Variants in TASP1 observed in about 807,000 individuals in gnomAD.
TASP1 encodes the protein threonine aspartase 1.
TASP1 carries 16 observed loss-of-function variants against 56.6 expected under a neutral mutation model. The ratio of observed to expected loss-of-function variants is 0.28; its 90% CI spans 0.19 to 0.43. The LOEUF is 0.43. Among genes scored for constraint, TASP1 ranks in the 20% least tolerant of loss-of-function variants. TASP1 has a pLI of 1.00. For synonymous variants in TASP1, 179 were observed against 184.2 expected (o/e 0.97, Z 0.23); for missense variants, 393 against 511.6 (o/e 0.77, Z 2.24).
the TASP1 span, among the ~76,000 whole-genome samples, chr20:13,149,043 A>T: frequency 6.6e-6 from 1 of 152,326 alleles, no homozygotes; most frequent in East Asian, 1.9e-4. Flanking sequence ...TTTGATTCCC[A>T]TTCCACTTAA....
chr20:13,519,448 G>A (rs1234111140), intron 10 of TASP1, among the ~76,000 whole-genome samples: 1 of 152,148 alleles, frequency 6.6e-6, no homozygotes, highest in African/African-American at 2.4e-5. Flanking sequence ...TCATCCCTGG[G>A]ATGCAAGGCT....
intron 2 of TASP1, among the ~76,000 whole-genome samples, 180 bp from the exon 3 acceptor site, chr20:13,625,432 C>A (rs1336425398): frequency 6.6e-6 from 1 of 152,178 alleles, no homozygotes; most frequent in African/African-American, 2.4e-5. Flanking sequence ...TGCCTTATCT[C>A]CGTTTTCAAA....
intron 8 of TASP1, among the ~76,000 whole-genome samples, chr20:13,555,838 T>C (rs1448553298): frequency 6.6e-6 from 1 of 152,182 alleles, no homozygotes; most frequent in Non-Finnish European, 1.5e-5. Flanking sequence ...CAAAATGTCT[T>C]TCTTAAGCAA....
the TASP1 span, among the ~76,000 whole-genome samples, chr20:13,174,326 T>C: frequency 3.3e-5 from 5 of 152,340 alleles, no homozygotes; most frequent in East Asian, 5.8e-4. Flanking sequence ...AACTTGAACA[T>C]ACATTTAGTT....
chr20:13,332,801 G>A, the TASP1 span, among the ~76,000 whole-genome samples: 15 of 152,306 alleles, frequency 9.8e-5, no homozygotes, highest in African/African-American at 3.1e-4. Context: ...TTCATTCAAT[G>A]CCATTTTCTT....
intron 10 of TASP1, among the ~76,000 whole-genome samples, chr20:13,520,271 A>G (rs1250817048): frequency 2.0e-5 from 3 of 152,224 alleles, no homozygotes; most frequent in African/African-American, 7.2e-5. Flanking sequence ...GGAAAAAACT[A>G]CTTTAAAGTT....
At chr20:13,356,892 G>A in the TASP1 span, among the ~76,000 whole-genome samples, 3 of 152,050 alleles carry the variant, frequency 2.0e-5, no homozygotes, top group Non-Finnish European at 4.4e-5. Flanking sequence ...TATTTCTGTG[G>A]TCTTTTTGTA....
At chr20:13,186,090 G>A in the TASP1 span, among the ~76,000 whole-genome samples, 4 of 152,116 alleles carry the variant, frequency 2.6e-5, no homozygotes, top group Non-Finnish European at 4.4e-5. Context: ...ATTTGTGGAG[G>A]CTCAGTGTAC....
At chr20:13,454,548 C>T (rs2043754309) in intron 11 of TASP1, among the ~76,000 whole-genome samples, 3 of 152,102 alleles carry the variant, frequency 2.0e-5, no homozygotes, top group African/African-American at 4.8e-5. Flanking sequence ...GGTGCTCTAC[C>T]GAAGAGAGAA....
chr20:13,398,559 T>A (rs1280956856), intron 13 of TASP1, among the ~76,000 whole-genome samples: 1 of 152,198 alleles, frequency 6.6e-6, no homozygotes, highest in African/African-American at 2.4e-5. Flanking sequence ...AGGAATGCCT[T>A]CCTTTAATAC....
chr20:13,586,421 GAC>G (rs1410855634), intron 5 of TASP1, among the ~76,000 whole-genome samples: 1 of 152,066 alleles, frequency 6.6e-6, no homozygotes, highest in African/African-American at 2.4e-5. Context: ...AAAGAAAACA[GAC>G]ACAGAAGTGT....
At chr20:13,589,679 T>C (rs2047448846) in intron 4 of TASP1, among the ~76,000 whole-genome samples, 1 of 151,542 alleles carries the variant, frequency 6.6e-6, no homozygotes. Flanking sequence ...AAACACAAAA[T>C]GGAAGAAAAA....
the TASP1 span, among the ~76,000 whole-genome samples, chr20:13,177,333 T>C: frequency 6.6e-6 from 1 of 152,154 alleles, no homozygotes; most frequent in Middle Eastern, 3.4e-3. Context: ...AAAATGAACA[T>C]ACTACTCAAA....
At chr20:13,633,019 C>T (rs73270752) in intron 1 of TASP1, among the ~76,000 whole-genome samples, 87 of 152,108 alleles carry the variant, frequency 5.7e-4, no homozygotes, top group African/African-American at 1.7e-3. Context: ...ACAGAAAAAC[C>T]GGAGCTAAGT....
At chr20:13,332,421 T>C in the TASP1 span, among the ~76,000 whole-genome samples, 1 of 152,214 alleles carries the variant, frequency 6.6e-6, no homozygotes, top group Admixed American at 6.5e-5. Flanking sequence ...TAATTTTAAG[T>C]TCTTAGCATG....
chr20:13,584,286 T>A (rs943138868), intron 5 of TASP1, among the ~76,000 whole-genome samples: 1 of 152,064 alleles, frequency 6.6e-6, no homozygotes, highest in Non-Finnish European at 1.5e-5. Context: ...ATTGTGCTTA[T>A]AAATTATGAG....
At chr20:13,163,614 A>T in the TASP1 span, among the ~76,000 whole-genome samples, 1 of 152,136 alleles carries the variant, frequency 6.6e-6, no homozygotes, top group African/African-American at 2.4e-5. Flanking sequence ...AGGGAAGAAC[A>T]TTTTAAATAC....
intron 13 of TASP1, among the ~76,000 whole-genome samples, chr20:13,394,315 A>G (rs796581457): frequency 6.8e-6 from 1 of 147,304 alleles, no homozygotes; most frequent in African/African-American, 2.5e-5. Flanking sequence ...CTCAAAAAAA[A>G]AAAAAAAAAA....
chr20:13,567,752 G>T (rs549626812), intron 7 of TASP1, among the ~76,000 whole-genome samples: 1 of 152,128 alleles, frequency 6.6e-6, no homozygotes, highest in East Asian at 1.9e-4. Context: ...TTTCAGTCTC[G>T]TATGTACTGA....
Sources: allele counts gnomAD v4.1 joint callset (sites outside exome capture counted in the v4.1 genomes callset), GRCh38; gene constraint gnomAD v4.1.1; transcripts MANE v1.5; gene names NCBI Gene and HGNC (gene_info 2026-07-23, HGNC 2026-07-21).